Variants in SLC2A13 observed in about 807,000 individuals in gnomAD.
The protein encoded by SLC2A13 is solute carrier family 2 member 13, also known as proton myo-inositol cotransporter.
Under a neutral mutation model 64.4 loss-of-function variants are expected in SLC2A13, and 32 were observed. That is an observed-to-expected ratio of 0.50 (90% CI 0.37 to 0.67). SLC2A13 has a LOEUF of 0.67. Among genes scored for constraint, SLC2A13 ranks in the 30% least tolerant of loss-of-function variants. The probability of loss-of-function intolerance (pLI) is 0.00; values close to 1 mark genes in which losing one functional copy is unlikely to be tolerated. For missense variants in SLC2A13, 743 were observed against 829.2 expected, an observed-to-expected ratio of 0.90 and a Z score of 1.28; for synonymous variants, 338 against 327.1, an observed-to-expected ratio of 1.03 and a Z score of -0.36.
intron 2 of SLC2A13, among the ~76,000 whole-genome samples, chr12:40,030,985 A>T (rs886825568): frequency 7.9e-5 from 12 of 152,220 alleles, no homozygotes; most frequent in African/African-American, 2.9e-4. Context: ...CAATAAAAAA[A>T]TGTTTTATAC....
At chr12:40,007,418 CA>C (rs1419321364) in intron 3 of SLC2A13, among the ~76,000 whole-genome samples, 5 of 151,020 alleles carry the variant, frequency 3.3e-5, no homozygotes, top group South Asian at 2.1e-4. Context: ...TTTTGCTATC[CA>C]AAAAAAAGCC....
intron 4 of SLC2A13, among the ~76,000 whole-genome samples, chr12:39,888,177 G>A (rs561286459): frequency 5.9e-5 from 9 of 152,200 alleles, no homozygotes; most frequent in African/African-American, 2.2e-4. Context: ...CCCAGTTCAT[G>A]GGAGAAAATG....
intron 7 of SLC2A13, among the ~76,000 whole-genome samples, chr12:39,813,268 C>A (rs766453150): frequency 6.6e-6 from 1 of 151,764 alleles, no homozygotes; most frequent in Admixed American, 6.6e-5. Flanking sequence ...TGTCTTTGAT[C>A]TAGGTCAGCA....
intron 6 of SLC2A13, among the ~76,000 whole-genome samples, chr12:39,843,978 A>T (rs1407707703): frequency 6.6e-6 from 1 of 151,906 alleles, no homozygotes; most frequent in African/African-American, 2.4e-5. Context: ...TTGGTGACAC[A>T]CTCCACACGT....
At chr12:39,866,607 G>A (rs1181812360) in intron 5 of SLC2A13, among the ~76,000 whole-genome samples, 2 of 152,070 alleles carry the variant, frequency 1.3e-5, no homozygotes, top group Non-Finnish European at 2.9e-5. Flanking sequence ...AGCCTCTGGA[G>A]TAGCTGGGAC....
intron 4 of SLC2A13, among the ~76,000 whole-genome samples, chr12:39,916,513 G>C (rs1285142805): frequency 6.6e-6 from 1 of 151,944 alleles, no homozygotes; most frequent in Non-Finnish European, 1.5e-5. Context: ...CACATACACT[G>C]GCATTCTAAG....
chr12:40,001,353 A>G (rs543095980), intron 3 of SLC2A13, among the ~76,000 whole-genome samples: 1 of 152,338 alleles, frequency 6.6e-6, no homozygotes, highest in Non-Finnish European at 1.5e-5. Flanking sequence ...TATTTCTGAT[A>G]TTGATTTGGA....
At chr12:40,045,220 A>C (rs1948152923) in intron 2 of SLC2A13, among the ~76,000 whole-genome samples, 2 of 152,272 alleles carry the variant, frequency 1.3e-5, no homozygotes, top group African/African-American at 4.8e-5. Context: ...AAAGGGAAAT[A>C]AAACAAATTT....
At chr12:39,895,225 AC>A (rs1190060156) in intron 4 of SLC2A13, among the ~76,000 whole-genome samples, 1 of 151,936 alleles carries the variant, frequency 6.6e-6, no homozygotes, top group Admixed American at 6.6e-5. Flanking sequence ...TCAGGATGTA[AC>A]TAAACTGAAT....
At position 39,830,212 on chromosome 12, in the gene SLC2A13, T is replaced by A. The variant is rs763806571; in HGVS notation, c.1336A>T (p.Met446Leu). 6.2e-7 allele frequency: 1 copy of A among 1,613,102 alleles called. No individual in the cohort carries two copies. Among genetic ancestry groups the A allele is most frequent in the East Asian group, 2.2e-5 (1 of 44,852 alleles). ...CAGAAACCGCAGTCTGGATCCAACATACATTCATTACAGTAACTGAAAAAT... is the reference window on the plus strand; with the variant it reads ...CAGAAACCGCAGTCTGGATCCAACAAACATTCATTACAGTAACTGAAAAAT... Reference protein sequence around the residue: ...CTRYSYCNECMLDPDCGFCYK... With the variant: ...CTRYSYCNECLLDPDCGFCYK... The change falls in exon 7 of 10, where the codon ATG becomes TTG. Residue 446 changes from methionine to leucine, a missense_variant. Coordinates refer to ENST00000280871, the MANE Select transcript of SLC2A13 (RefSeq NM_052885.4).
intron 2 of SLC2A13, among the ~76,000 whole-genome samples, chr12:40,034,801 G>GAAAACACTAACT (rs1947953532): frequency 6.6e-6 from 1 of 152,068 alleles, no homozygotes; most frequent in Non-Finnish European, 1.5e-5. Context: ...TAGATTCTTT[G>GAAAACACTAACT]AAAACACTAA....
chr12:39,893,158 C>T (rs1476753848), intron 4 of SLC2A13, among the ~76,000 whole-genome samples: 1 of 152,096 alleles, frequency 6.6e-6, no homozygotes, highest in African/African-American at 2.4e-5. Flanking sequence ...AAGAAAGCAA[C>T]AACATATTCA....
At chr12:39,907,089 C>T (rs1052329629) in intron 4 of SLC2A13, among the ~76,000 whole-genome samples, 2 of 152,060 alleles carry the variant, frequency 1.3e-5, no homozygotes, top group African/African-American at 2.4e-5. Flanking sequence ...TATTTACATG[C>T]TATCATATTC....
chr12:39,931,421 A>G (rs1408135603), intron 4 of SLC2A13, among the ~76,000 whole-genome samples: 2 of 152,212 alleles, frequency 1.3e-5, no homozygotes, highest in Non-Finnish European at 2.9e-5. Context: ...TTCGCCTGCC[A>G]GCAGTGGCTG....
intron 4 of SLC2A13, among the ~76,000 whole-genome samples, chr12:39,901,730 T>C (rs1397403118): frequency 3.7e-5 from 5 of 136,928 alleles, no homozygotes; most frequent in African/African-American, 1.4e-4. Flanking sequence ...AGGAACACTT[T>C]GACACTGTTG....
intron 3 of SLC2A13, among the ~76,000 whole-genome samples, chr12:40,018,180 AAAT>A (rs1463951213): frequency 6.6e-6 from 1 of 152,144 alleles, no homozygotes; most frequent in African/African-American, 2.4e-5. Flanking sequence ...AACAAGCACA[AAAT>A]AATAAGCTTC....
At chr12:39,987,177 T>A (rs145962438) in intron 3 of SLC2A13, among the ~76,000 whole-genome samples, 1 of 152,240 alleles carries the variant, frequency 6.6e-6, no homozygotes, top group East Asian at 1.9e-4. Flanking sequence ...CATGGCAAGA[T>A]TGCCATGAAT....
At position 39,796,712 on chromosome 12, in the gene SLC2A13, T is replaced by G. The variant is rs922525340; in HGVS notation, c.1446-31854A>C. Among the ~76,000 whole-genome samples the G allele has an allele frequency of 2.0e-5, 3 of 152,092 alleles. No homozygotes were observed. The East Asian group carries it at 5.8e-4, about 29-fold the overall frequency. ...GAATATAATATGATTGAAATCAACT[T>G]TGTTTAGATGGGTCTTTTGGTTTCA... On this transcript the variant is annotated intron_variant, in intron 7 of 9. Transcript: ENST00000280871.
chr12:39,968,428 G>C (rs1448595167), intron 3 of SLC2A13, among the ~76,000 whole-genome samples: 2 of 152,048 alleles, frequency 1.3e-5, no homozygotes, highest in African/African-American at 2.4e-5. Flanking sequence ...GGTTTGGGTA[G>C]AGACACAGCC....
Sources: gnomAD v4.1 joint callset for allele counts (sites outside exome capture counted in the v4.1 genomes callset) on GRCh38, gnomAD v4.1.1 for gene constraint, MANE v1.5 for transcripts, NCBI Gene and HGNC (gene_info 2026-07-23, HGNC 2026-07-21) for gene names.